RREB1: variants seen among roughly 807,000 people sequenced by gnomAD.
RREB1 encodes ras responsive element binding protein 1.
In RREB1, 27 loss-of-function variants were observed where a neutral mutation model predicts 117.8. That is an observed-to-expected ratio of 0.23 (90% CI 0.17 to 0.32). The LOEUF (loss-of-function observed/expected upper bound fraction) is 0.32. Among genes scored for constraint, RREB1 ranks in the 10% least tolerant of loss-of-function variants. The probability of loss-of-function intolerance (pLI) is 1.00; values close to 1 mark genes in which losing one functional copy is unlikely to be tolerated. For missense variants in RREB1, 2,577 were observed against 2,378.2 expected, an observed-to-expected ratio of 1.08 and a Z score of -1.74; for synonymous variants, 1,298 against 1,026.7, an observed-to-expected ratio of 1.26 and a Z score of -5.05.
At chr6:7,220,096 G>A (rs906014223) in intron 8 of RREB1, among the ~76,000 whole-genome samples, 2 of 152,184 alleles carry the variant, frequency 1.3e-5, no homozygotes, top group African/African-American at 4.8e-5. Context: ...CCACAGTGGA[G>A]CAGCCCCACT....
intron 1 of RREB1, among the ~76,000 whole-genome samples, chr6:7,144,324 T>A (rs1762764231): frequency 6.6e-6 from 1 of 152,240 alleles, no homozygotes; most frequent in Non-Finnish European, 1.5e-5. Flanking sequence ...CTGTACACTG[T>A]ACATATACAA....
chr6:7,195,560 G>A (rs1765622715), intron 6 of RREB1, among the ~76,000 whole-genome samples: 1 of 152,188 alleles, frequency 6.6e-6, no homozygotes, highest in African/African-American at 2.4e-5. Flanking sequence ...AAAGAGTAAT[G>A]CAACCCAGGT....
Position 7,231,271 on chromosome 6 carries a change from G to A in RREB1, c.3172G>A (p.Val1058Met), listed in dbSNP as rs771845303. 29 of 1,610,470 alleles carry A rather than the reference G, an allele frequency of 1.8e-5. No individual in the cohort carries two copies. The Admixed American group carries it at 2.2e-4, about 12-fold the overall frequency. Residue 1058 changes from valine to methionine, a missense_variant, in exon 10 of 13, where the codon GTG becomes ATG. Transcript: ENST00000379938. ...KPPLLLPKPP[V>M]TEELPPLASI... ...CCCGCTGCTTTTGCCAAAGCCCCCCGTGACAGAAGAGCTGCCCCCGCTGGC... is the reference window on the plus strand; with the variant it reads ...CCCGCTGCTTTTGCCAAAGCCCCCCATGACAGAAGAGCTGCCCCCGCTGGC...
rs189495748 is a variant in RREB1, at chr6:7,229,240, G to A, written c.1141G>A (p.Glu381Lys). The A allele has an allele frequency of 1.9e-6, 3 of 1,613,798 alleles. No individual in the cohort carries two copies. Among genetic ancestry groups the A allele is most frequent in the East Asian group, 2.2e-5 (1 of 44,840 alleles). The change falls in exon 10 of 13, where the codon GAG (glutamate) becomes AAG (lysine). Residue 381 changes from glutamate to lysine, a missense_variant. Physicochemically the swap from Glu to Lys is moderately conservative, Grantham distance 56. Coordinates refer to ENST00000379938, the MANE Select transcript of RREB1 (RefSeq NM_001003699.4). This position sits in a 1 kb window ranked among gnomAD's most constrained non-coding sequence, Gnocchi z 4.5. The part of the protein sequence containing the change: ...HTKDVRPAPA[E>K]EPLPDDNQAI... ...CAAAGACGTCAGGCCTGCCCCCGCC[G>A]AGGAGCCCCTGCCGGATGACAACCA...
At chr6:7,245,530 CT>C (rs996214841) in intron 11 of RREB1, among the ~76,000 whole-genome samples, 1 of 152,142 alleles carries the variant, frequency 6.6e-6, no homozygotes, top group South Asian at 2.1e-4. Flanking sequence ...AAGAGAAGGC[CT>C]TTTGACACTG....
Position 7,182,089 on chromosome 6 carries a change from G to T in RREB1, c.171+7G>T. On this transcript the variant is annotated splice_region_variant and intron_variant, in intron 4 of 12. Transcript: ENST00000379938. The stretch of plus-strand genomic sequence containing the variant: ...GATTGGCAGAAGGAACCAGGTAAGT[G>T]TTCACACCTAGTGGTGACCTCTGGT... The T allele has an allele frequency of 6.2e-7, 1 of 1,613,528 alleles. No homozygotes were observed.
At chr6:7,127,708 A>G (rs1761997667) in intron 1 of RREB1, among the ~76,000 whole-genome samples, 1 of 152,174 alleles carries the variant, frequency 6.6e-6, no homozygotes, top group Non-Finnish European at 1.5e-5. Context: ...TGCTGTCTTG[A>G]TGACTCTGTG....
At chr6:7,156,936 A>G (rs1331628232) in intron 1 of RREB1, among the ~76,000 whole-genome samples, 3 of 152,152 alleles carry the variant, frequency 2.0e-5, no homozygotes, top group Non-Finnish European at 2.9e-5. Flanking sequence ...TTAAATGCCA[A>G]AGCTGACCAA....
chr6:7,207,796 CT>C (rs1766360633), intron 6 of RREB1, among the ~76,000 whole-genome samples: 1 of 152,214 alleles, frequency 6.6e-6, no homozygotes, highest in South Asian at 2.1e-4. Context: ...CGCAGTAGTC[CT>C]CTTACACTAT....
chr6:7,201,425 A>C (rs1765969571), intron 6 of RREB1, among the ~76,000 whole-genome samples: 1 of 151,906 alleles, frequency 6.6e-6, no homozygotes, highest in South Asian at 2.1e-4. Flanking sequence ...GCTAGCAAAC[A>C]CTGAAGCGTG....
intron 1 of RREB1, among the ~76,000 whole-genome samples, chr6:7,160,241 G>T (rs543468318): frequency 8.6e-5 from 13 of 151,826 alleles, no homozygotes; most frequent in Admixed American, 5.9e-4. Context: ...AGACACAGGG[G>T]TCTTGCTATA....
At chr6:7,172,871 A>T (rs1487450932) in intron 1 of RREB1, among the ~76,000 whole-genome samples, 1 of 152,234 alleles carries the variant, frequency 6.6e-6, no homozygotes, top group African/African-American at 2.4e-5. Flanking sequence ...CAGGCAGAAC[A>T]GGCATGGCCC....
rs1373526501 is a variant in RREB1, at chr6:7,230,826, G to C, written c.2727G>C (p.Leu909=). The change falls in exon 10 of 13, where the codon CTG becomes CTC. Residue 909 remains leucine (L), a synonymous_variant. Coordinates refer to ENST00000379938, the MANE Select transcript of RREB1 (RefSeq NM_001003699.4). ...PLDFSQKGLA[L]VQVKQENISF... is the part of the protein sequence containing the mutation. Reference sequence around the variant, plus strand: ...ACTTCTCGCAGAAGGGCCTGGCCCTGGTCCAAGTGAAGCAGGAAAACATCT... The same window carrying C: ...ACTTCTCGCAGAAGGGCCTGGCCCTCGTCCAAGTGAAGCAGGAAAACATCT... 1 of 1,614,126 alleles carries C rather than the reference G, an allele frequency of 6.2e-7. No individual in the cohort carries two copies. Among genetic ancestry groups the C allele is most frequent in the Non-Finnish European group, 8.5e-7 (1 of 1,180,046 alleles).
rs116379359 is a variant in RREB1 at position 7,240,834 on chromosome 6, C to T, written c.3973+232C>T. Among the ~76,000 whole-genome samples the T allele has an allele frequency of 4.5e-3, 679 of 152,216 alleles. 5 individuals are homozygous for T. The highest frequency in any genetic ancestry group is 6.9e-3 in the Non-Finnish European group (466 of 68,010). On this transcript the variant is annotated intron_variant, in intron 11 of 12. Coordinates refer to ENST00000379938, the MANE Select transcript of RREB1 (RefSeq NM_001003699.4). ...AGCAGAAAACAGTGACAGTGCCCCT[C>T]GGTGACTCTCGGGGCTGCTAGGGAA...
chr6:7,172,148 G>A (rs753389072), intron 1 of RREB1, among the ~76,000 whole-genome samples: 4 of 152,042 alleles, frequency 2.6e-5, no homozygotes, highest in South Asian at 4.1e-4. Context: ...GTCTCACTTC[G>A]TTGCCCAGGC....
intron 4 of RREB1, among the ~76,000 whole-genome samples, chr6:7,186,332 A>G (rs1765079964): frequency 6.6e-6 from 1 of 152,210 alleles, no homozygotes; most frequent in East Asian, 1.9e-4. Flanking sequence ...CTGGGCACAT[A>G]TCACCATCAT....
intron 1 of RREB1, among the ~76,000 whole-genome samples, chr6:7,145,546 A>G (rs1762818049): frequency 6.6e-6 from 1 of 152,120 alleles, no homozygotes; most frequent in Non-Finnish European, 1.5e-5. Context: ...AGAAGAAAAG[A>G]ACTTGATGCT....
rs951739614 is a variant in RREB1, at chr6:7,226,667, C to T, written c.897+11C>T. ...CCTCGCATTTCTCAGGTATTCTGATCAGCCCATGGAAGCAACCAGCAACTG... is the reference window on the plus strand; with the variant it reads ...CCTCGCATTTCTCAGGTATTCTGATTAGCCCATGGAAGCAACCAGCAACTG... On this transcript the variant is annotated intron_variant, in intron 9 of 12. Coordinates refer to ENST00000379938, the MANE Select transcript of RREB1 (RefSeq NM_001003699.4). 2.8e-5 allele frequency: 45 copies of T among 1,610,724 alleles called. No homozygotes were observed. Among genetic ancestry groups the T allele is most frequent in the Non-Finnish European group, 3.6e-5 (42 of 1,177,752 alleles).
At chr6:7,150,985 G>A (rs1346454945) in intron 1 of RREB1, among the ~76,000 whole-genome samples, 4 of 152,196 alleles carry the variant, frequency 2.6e-5, no homozygotes, top group Non-Finnish European at 5.9e-5. Flanking sequence ...CCGGAGATCA[G>A]CCTCCATGCA....
Sources: gnomAD v4.1 joint callset for allele counts (sites outside exome capture counted in the v4.1 genomes callset) on GRCh38, gnomAD v4.1.1 for gene constraint, Gnocchi (gnomAD v3.1) non-coding constraint, MANE v1.5 for transcripts, NCBI Gene and HGNC (gene_info 2026-07-23, HGNC 2026-07-21) for gene names.